The following CDC42EP4 variants were observed in gnomAD, a reference collection of about 807,000 sequenced individuals.
CDC42EP4 encodes CDC42 effector protein (Rho GTPase binding) 4.
A neutral mutation model predicts 5.6 loss-of-function variants in CDC42EP4; 6 were observed. The ratio of observed to expected loss-of-function variants is 1.07; its 90% confidence interval spans 0.59 to 2.12. The LOEUF (loss-of-function observed/expected upper bound fraction) is 2.12. Among genes scored for constraint, CDC42EP4 ranks in the 30% most tolerant of loss-of-function variants. CDC42EP4 has a pLI of 0.00. For synonymous variants in CDC42EP4, 230 were observed against 224.2 expected (o/e 1.03, Z -0.23); for missense variants, 490 against 508.6 (o/e 0.96, Z 0.35).
Position 73,286,210 on chromosome 17 carries a change from C to T in CDC42EP4, c.291G>A (p.Arg97=). Reference sequence around the variant, plus strand: ...GGGAGCCCAGCATGTCACGCTGCTCCCGCTCCCCCCTGGTCACCGACTGTG... The same window carrying T: ...GGGAGCCCAGCATGTCACGCTGCTCTCGCTCCCCCCTGGTCACCGACTGTG... ...KRSQSVTRGE[R]EQRDMLGSLR... Residue 97 remains arginine, a synonymous_variant, in exon 2 of 2, where the codon CGG becomes CGA. Coordinates refer to ENST00000335793, the MANE Select transcript of CDC42EP4 (RefSeq NM_012121.5). This position sits in a 1 kb window ranked among gnomAD's most constrained non-coding sequence, Gnocchi z 7.7. 6.2e-7 allele frequency: 1 copy of T among 1,614,162 alleles called. No homozygotes were observed.
At position 73,286,128 on chromosome 17, in the gene CDC42EP4, T is replaced by C; in HGVS notation, c.373A>G (p.Lys125Glu). 1 of 1,613,958 alleles carries C rather than the reference T, an allele frequency of 6.2e-7. No individual in the cohort carries two copies. Among genetic ancestry groups the C allele is most frequent in the Non-Finnish European group, 8.5e-7 (1 of 1,179,992 alleles). ...CTGGTGCCCTTCTCCGCGGCCTCCT[T>C]CTCATTGAGCTGGGGCAGGGACATG... ...NAMSLPQLNE[K>E]EAAEKGTSKL... Residue 125 changes from lysine to glutamate, a missense_variant, in exon 2 of 2, where the codon AAG becomes GAG. Physicochemically the swap from Lys to Glu is moderately conservative, Grantham distance 56. Coordinates refer to ENST00000335793, the MANE Select transcript of CDC42EP4 (RefSeq NM_012121.5). The surrounding 1 kb of genome is among the most constrained non-coding windows in gnomAD (Gnocchi z 7.7).
chr17:73,306,364 T>G (rs983249382), intron 1 of CDC42EP4, among the ~76,000 whole-genome samples: 2 of 150,296 alleles, frequency 1.3e-5, no homozygotes. Flanking sequence ...TAGCCAGGCA[T>G]GGCGGCACAC....
intron 1 of CDC42EP4, among the ~76,000 whole-genome samples, chr17:73,292,248 C>T (rs1254687342): frequency 6.6e-6 from 1 of 152,264 alleles, no homozygotes; most frequent in African/African-American, 2.4e-5. Context: ...GGGCCTTCCC[C>T]TAGCTGTTCT....
chr17:73,300,544 A>C (rs1388303749), intron 1 of CDC42EP4, among the ~76,000 whole-genome samples: 1 of 152,190 alleles, frequency 6.6e-6, no homozygotes, highest in East Asian at 1.9e-4. Flanking sequence ...GCTTCTGAGC[A>C]CTTGACATGT....
chr17:73,302,045 G>T (rs1456768669), intron 1 of CDC42EP4, among the ~76,000 whole-genome samples: 5 of 152,242 alleles, frequency 3.3e-5, no homozygotes, highest in African/African-American at 1.2e-4. Context: ...TGTTGGCCAG[G>T]CTGGTCTTGA....
chr17:73,284,204 A>C lies in CDC42EP4; in HGVS notation c.*1226T>G, dbSNP rs897706741. ...CTCAGCACTCTGTTTTGGTTTTGCT[A>C]AATCTGGCCAACCCTGGCCTCAAAA... On this transcript the variant is annotated 3_prime_UTR_variant, in exon 2 of 2. Transcript: ENST00000335793. The C allele has an allele frequency of 6.6e-6, 1 of 152,164 alleles. No individual in the cohort carries two copies. The highest frequency in any genetic ancestry group is 2.4e-5 in the African/African-American group (1 of 41,424). The allele number at this position is 152,164 out of a possible 1,614,324, so 9.4% of individuals were successfully genotyped here.
chr17:73,292,358 CTTTGTT>C (rs2062165507), intron 1 of CDC42EP4, among the ~76,000 whole-genome samples: 1 of 152,198 alleles, frequency 6.6e-6, no homozygotes, highest in South Asian at 2.1e-4. Flanking sequence ...CTACAAGAGG[CTTTGTT>C]CCATTACTCA....
Position 73,303,593 on chromosome 17 carries a change from T to C in CDC42EP4, c.-113+8300A>G, listed in dbSNP as rs60541024. On this transcript the variant is annotated intron_variant, in intron 1 of 1. Coordinates refer to ENST00000335793, the MANE Select transcript of CDC42EP4 (RefSeq NM_012121.5). ...AGGAGAATCGCTTGAACCCAGGAGG[T>C]GGAGGTTGCAGTGAGATGAGATCAT... 8.2e-3 allele frequency among the ~76,000 whole-genome samples: 1,176 copies of C among 143,724 alleles called. 15 individuals carry two copies. The highest frequency in any genetic ancestry group is 0.029 in the African/African-American group (1,097 of 38,216). 94.3% of individuals were successfully genotyped at this position (143,724 alleles called of 152,430 possible). A position where few individuals can be genotyped will look rare whatever the true frequency, so the allele number is the denominator to read the frequency against.
chr17:73,291,554 C>T (rs2062161350), intron 1 of CDC42EP4, among the ~76,000 whole-genome samples: 1 of 152,142 alleles, frequency 6.6e-6, no homozygotes, highest in African/African-American at 2.4e-5. Context: ...CTGGGGGCAG[C>T]TATGGTTTGG....
intron 1 of CDC42EP4, among the ~76,000 whole-genome samples, chr17:73,299,002 C>A: frequency 6.6e-6 from 1 of 151,788 alleles, no homozygotes; most frequent in Middle Eastern, 3.4e-3. Context: ...GTCACCCAGG[C>A]TGGAGTGTAG....
At chr17:73,287,022 C>T (rs1207370684) in intron 1 of CDC42EP4, among the ~76,000 whole-genome samples, 1 of 152,218 alleles carries the variant, frequency 6.6e-6, no homozygotes, top group Non-Finnish European at 1.5e-5. Flanking sequence ...CTCCTATGAA[C>T]AGTCAGCCTG....
chr17:73,292,049 C>T (rs917116145), intron 1 of CDC42EP4, among the ~76,000 whole-genome samples: 13 of 152,218 alleles, frequency 8.5e-5, no homozygotes, highest in Non-Finnish European at 1.6e-4. Flanking sequence ...TCCAAGTGAC[C>T]GGGCAGTGGC....
chr17:73,289,683 C>T (rs147083319), intron 1 of CDC42EP4, among the ~76,000 whole-genome samples: 1,314 of 116,452 alleles, frequency 0.011, 6 homozygotes, highest in Middle Eastern at 0.019. Flanking sequence ...TCTTGGCCAG[C>T]CATGGGCTCC....
chr17:73,289,743 A>C (rs78338829), intron 1 of CDC42EP4, among the ~76,000 whole-genome samples: 1 of 94,702 alleles, frequency 1.1e-5, no homozygotes, highest in African/African-American at 4.1e-5. Flanking sequence ...GGGAGGGAGG[A>C]AGGGAGGGAG....
At chr17:73,294,186 A>G (rs1394010025) in intron 1 of CDC42EP4, among the ~76,000 whole-genome samples, 2 of 152,122 alleles carry the variant, frequency 1.3e-5, no homozygotes, top group African/African-American at 2.4e-5. Flanking sequence ...CCCCATCTCC[A>G]CTAAAAACAC....
chr17:73,304,535 C>T (rs925225149), intron 1 of CDC42EP4, among the ~76,000 whole-genome samples: 2 of 151,692 alleles, frequency 1.3e-5, no homozygotes, highest in Non-Finnish European at 2.9e-5. Context: ...ATAAGAGCAC[C>T]GAGACTTAGA....
intron 1 of CDC42EP4, among the ~76,000 whole-genome samples, chr17:73,294,194 C>T (rs1286492510): frequency 6.6e-6 from 1 of 152,014 alleles, no homozygotes; most frequent in African/African-American, 2.4e-5. Flanking sequence ...CCACTAAAAA[C>T]ACAGAAATCA....
chr17:73,294,708 A>G (rs2062176313), intron 1 of CDC42EP4, among the ~76,000 whole-genome samples: 1 of 152,208 alleles, frequency 6.6e-6, no homozygotes, highest in Admixed American at 6.5e-5. Flanking sequence ...GTCTATTGTC[A>G]TTCCACGCAT....
chr17:73,306,179 C>T (rs1011921248), intron 1 of CDC42EP4, among the ~76,000 whole-genome samples: 4 of 152,100 alleles, frequency 2.6e-5, no homozygotes, highest in Non-Finnish European at 4.4e-5. Context: ...TGCCAGACCC[C>T]GGGTGCTACT....
Sources: gnomAD v4.1 joint callset for allele counts (sites outside exome capture counted in the v4.1 genomes callset) on GRCh38, gnomAD v4.1.1 for gene constraint, Gnocchi (gnomAD v3.1) non-coding constraint, MANE v1.5 for transcripts, NCBI Gene and HGNC (gene_info 2026-07-23, HGNC 2026-07-21) for gene names.